The following RHAG variants were observed in gnomAD, a reference collection of about 807,000 sequenced individuals.
RHAG encodes the protein ammonium transporter Rh type A.
In RHAG, 25 loss-of-function variants were observed where a neutral mutation model predicts 42.4. The ratio of observed to expected loss-of-function variants is 0.59; its 90% CI spans 0.43 to 0.82. The LOEUF (loss-of-function observed/expected upper bound fraction) is 0.82. Ranked by LOEUF, RHAG falls within the 40% of genes least tolerant of loss-of-function variation. The pLI is 0.00. For missense variants in RHAG, 483 were observed against 504.6 expected (o/e 0.96, Z 0.41); for synonymous variants, 182 against 177.7 (o/e 1.02, Z -0.19).
chr6:49,617,613 G>T (rs1762676215), intron 3 of RHAG, among the ~76,000 whole-genome samples: 1 of 152,112 alleles, frequency 6.6e-6, no homozygotes, highest in African/African-American at 2.4e-5. Context: ...TATTCCTGGG[G>T]GGAATCAATG....
At chr6:49,615,916 G>T in intron 3 of RHAG, 145 bp from the exon 4 acceptor site, 1 of 785,346 alleles carries the variant, frequency 1.3e-6, no homozygotes, top group Non-Finnish European at 2.1e-6. Context: ...AGAAAGGGGG[G>T]TAAAACAGGG....
chr6:49,620,220 C>G (rs975740431), intron 1 of RHAG, among the ~76,000 whole-genome samples: 1 of 152,132 alleles, frequency 6.6e-6, no homozygotes, highest in Non-Finnish European at 1.5e-5. Context: ...TCAGTGTTTT[C>G]ATCTGCAACA....
At chr6:49,622,717 G>A (rs1453479538) in intron 1 of RHAG, among the ~76,000 whole-genome samples, 1 of 151,804 alleles carries the variant, frequency 6.6e-6, no homozygotes, top group Non-Finnish European at 1.5e-5. Flanking sequence ...GTGTGAAAAC[G>A]AACTAATACA....
intron 1 of RHAG, among the ~76,000 whole-genome samples, 188 bp from the exon 2 acceptor site, chr6:49,619,550 C>A (rs542531587): frequency 6.6e-6 from 1 of 152,292 alleles, no homozygotes; most frequent in African/African-American, 2.4e-5. Context: ...GAGACTTTGG[C>A]AAGTTATTCA....
At chr6:49,612,637 T>C in intron 5 of RHAG, 103 bp from the exon 6 acceptor site, 1 of 1,322,642 alleles carries the variant, frequency 7.6e-7, no homozygotes, top group Non-Finnish European at 1.1e-6. Context: ...CATTCTTCAG[T>C]TGAAAGGGCT....
chr6:49,636,714 G>A lies in RHAG; in HGVS notation c.99C>T (p.Leu33=), dbSNP rs756953657. ...FVEYETDQTV[L]EQLNITKPTD... is the part of the protein sequence containing the mutation. ...TTGGCTTGGTGATGTTGAGCTGCTC[G>A]AGAACAGTCTGGTCCGTTTCATACT... is the stretch of plus-strand genomic sequence containing the variant. Residue 33 remains leucine (L), a synonymous_variant, in exon 1 of 10, where the codon CTC becomes CTT. Coordinates refer to ENST00000371175, the MANE Select transcript of RHAG (RefSeq NM_000324.3). The A allele has an allele frequency of 7.4e-6, 12 of 1,613,846 alleles. No homozygotes were observed. The highest frequency in any genetic ancestry group is 2.7e-5 in the African/African-American group (2 of 74,894).
At chr6:49,630,127 G>A (rs1762913106) in intron 1 of RHAG, among the ~76,000 whole-genome samples, 1 of 152,218 alleles carries the variant, frequency 6.6e-6, no homozygotes, top group Non-Finnish European at 1.5e-5. Flanking sequence ...TATGAGCCCA[G>A]CCCCAATACT....
Position 49,611,019 on chromosome 6 carries a change from C to G in RHAG, c.1067+5G>C, listed in dbSNP as rs754133954. 2.5e-6 allele frequency: 4 copies of G among 1,613,812 alleles called. No homozygotes were observed. Among genetic ancestry groups the G allele is most frequent in the Non-Finnish European group, 3.4e-6 (4 of 1,179,784 alleles). On this transcript the variant is annotated splice_donor_5th_base_variant and intron_variant, in intron 7 of 9. Coordinates refer to ENST00000371175, the MANE Select transcript of RHAG (RefSeq NM_000324.3). ...AGGGGCTGAAAAACCCATTCTTTTA[C>G]TCACGTGTTGGAGGCGCCCATTGCT...
intron 1 of RHAG, among the ~76,000 whole-genome samples, chr6:49,635,530 C>T (rs1454412189): frequency 2.0e-5 from 3 of 152,190 alleles, no homozygotes; most frequent in African/African-American, 7.2e-5. Flanking sequence ...AGAATTTTTT[C>T]TGTTTTATTC....
At chr6:49,611,285 A>G (rs1465080374) in intron 6 of RHAG, 140 bp from the exon 7 acceptor site, 4 of 669,100 alleles carry the variant, frequency 6.0e-6, no homozygotes, top group Non-Finnish European at 1.0e-5. Context: ...TTTAAGGTAT[A>G]CAACATGATG....
chr6:49,612,837 G>A (rs1762589952), intron 5 of RHAG, among the ~76,000 whole-genome samples: 1 of 152,118 alleles, frequency 6.6e-6, no homozygotes, highest in Admixed American at 6.5e-5. Context: ...GGAGTGTTTA[G>A]AGCAAATATT....
At chr6:49,610,475 G>C (rs1199325846) in intron 7 of RHAG, among the ~76,000 whole-genome samples, 1 of 152,150 alleles carries the variant, frequency 6.6e-6, no homozygotes, top group Non-Finnish European at 1.5e-5. Context: ...GGATTTTGGA[G>C]AATAAATACT....
chr6:49,613,506 A>G (rs1178133013), intron 5 of RHAG, among the ~76,000 whole-genome samples: 1 of 152,014 alleles, frequency 6.6e-6, no homozygotes, highest in African/African-American at 2.4e-5. Context: ...GTTTTTAATG[A>G]CCTCTCATGA....
At chr6:49,623,416 G>GT (rs1762795744) in intron 1 of RHAG, among the ~76,000 whole-genome samples, 1 of 152,098 alleles carries the variant, frequency 6.6e-6, no homozygotes, top group African/African-American at 2.4e-5. Context: ...CCAGGGAGAG[G>GT]GCCACAACTA....
chr6:49,606,517 C>T lies in RHAG; in HGVS notation c.1212+331G>A, dbSNP rs1774166579. 2.0e-5 allele frequency among the ~76,000 whole-genome samples: 3 copies of T among 152,182 alleles called. No individual in the cohort carries two copies. The South Asian group carries it at 6.2e-4, about 32-fold the overall frequency. ...TTTTATCTGGCTGGGCACATCATCT[C>T]AATTTCTTTCTATAAATAGGTAGTT... On this transcript the variant is annotated intron_variant, in intron 9 of 9. Coordinates refer to ENST00000371175, the MANE Select transcript of RHAG (RefSeq NM_000324.3).
At chr6:49,633,214 A>G (rs1262805686) in intron 1 of RHAG, among the ~76,000 whole-genome samples, 1 of 152,174 alleles carries the variant, frequency 6.6e-6, no homozygotes, top group Non-Finnish European at 1.5e-5. Flanking sequence ...TTACCACACT[A>G]CAATTGAGAA....
At chr6:49,632,658 A>G (rs938288255) in intron 1 of RHAG, among the ~76,000 whole-genome samples, 7 of 152,214 alleles carry the variant, frequency 4.6e-5, no homozygotes, top group Non-Finnish European at 8.8e-5. Context: ...AAATGAGCCA[A>G]TCAAAGTACA....
chr6:49,629,411 T>A (rs1310031214), intron 1 of RHAG, among the ~76,000 whole-genome samples: 1 of 152,102 alleles, frequency 6.6e-6, no homozygotes. Context: ...TGCCGGTTGG[T>A]GTATTTACAA....
intron 2 of RHAG, 31 bp from the exon 3 acceptor site, chr6:49,618,249 A>C (rs1242792861): frequency 1.2e-6 from 2 of 1,613,692 alleles, no homozygotes; most frequent in East Asian, 4.5e-5. Flanking sequence ...ATTGAAGAGT[A>C]ATGCACACCC....
Sources: allele counts gnomAD v4.1 joint callset (sites outside exome capture counted in the v4.1 genomes callset), GRCh38; gene constraint gnomAD v4.1.1; transcripts MANE v1.5; gene names NCBI Gene and HGNC (gene_info 2026-07-23, HGNC 2026-07-21).